Variants in REC114 observed in about 807,000 individuals in gnomAD.
REC114 encodes meiotic recombination protein REC114.
Under a neutral mutation model 31.3 loss-of-function variants are expected in REC114, and 27 were observed. That is an observed-to-expected ratio of 0.86 (90% CI 0.64 to 1.19). The LOEUF is 1.19. REC114 is among the 50% of genes most tolerant of loss of function. The probability of loss-of-function intolerance (pLI) is 0.00; values close to 1 mark genes in which losing one functional copy is unlikely to be tolerated. For synonymous variants in REC114, 134 were observed against 127.7 expected (o/e 1.05, Z -0.33); for missense variants, 344 against 326.9 (o/e 1.05, Z -0.40).
chr15:73,443,350 G>A lies in REC114; in HGVS notation c.159+6G>A, dbSNP rs764595003. The A allele has an allele frequency of 4.5e-5, 71 of 1,564,074 alleles. No individual in the cohort carries two copies. Among genetic ancestry groups the A allele is most frequent in the East Asian group, 1.9e-4 (8 of 42,030 alleles). ...CCCCCTGCCCCACATGGAAGGTGAG[G>A]CCCGAAGGCAGGAATATCCCTGAGG... is the stretch of plus-strand genomic sequence containing the variant. On this transcript the variant is annotated splice_donor_region_variant and intron_variant, in intron 1 of 5. Coordinates refer to ENST00000331090, the MANE Select transcript of REC114 (RefSeq NM_001042367.2).
intron 2 of REC114, among the ~76,000 whole-genome samples, chr15:73,532,395 T>G (rs1483748307): frequency 6.7e-6 from 1 of 149,870 alleles, no homozygotes; most frequent in Admixed American, 6.7e-5. Flanking sequence ...TGTTGGACAT[T>G]TGGGTTGGTT....
At chr15:73,456,677 C>T (rs1278944556) in intron 1 of REC114, among the ~76,000 whole-genome samples, 1 of 152,066 alleles carries the variant, frequency 6.6e-6, no homozygotes, top group East Asian at 1.9e-4. Flanking sequence ...CCCTATGAAG[C>T]AAATATTATT....
intron 3 of REC114, among the ~76,000 whole-genome samples, chr15:73,541,449 C>A (rs1894236162): frequency 1.3e-5 from 2 of 152,084 alleles, no homozygotes; most frequent in Non-Finnish European, 2.9e-5. Flanking sequence ...TTATCAAATA[C>A]ATTAATAAAG....
intron 1 of REC114, among the ~76,000 whole-genome samples, chr15:73,471,739 A>G (rs970305551): frequency 6.6e-6 from 1 of 152,180 alleles, no homozygotes; most frequent in Admixed American, 6.5e-5. Context: ...TAACAGTATT[A>G]TTTGTAGTGA....
chr15:73,450,786 T>C (rs900719652), intron 1 of REC114, among the ~76,000 whole-genome samples: 21 of 152,082 alleles, frequency 1.4e-4, no homozygotes, highest in Non-Finnish European at 2.6e-4. Context: ...ACAAACAATC[T>C]CTCAGTCCAC....
At chr15:73,466,009 G>A (rs977847589) in intron 1 of REC114, among the ~76,000 whole-genome samples, 2 of 151,690 alleles carry the variant, frequency 1.3e-5, no homozygotes, top group East Asian at 2.0e-4. Flanking sequence ...ACACCACCAC[G>A]CCTGGCTAAT....
chr15:73,506,790 T>C (rs944811845), intron 2 of REC114, among the ~76,000 whole-genome samples: 3 of 152,338 alleles, frequency 2.0e-5, no homozygotes, highest in Admixed American at 2.0e-4. Context: ...AATACAAGTC[T>C]GAGAGAAGGT....
chr15:73,520,420 G>A (rs556552925), intron 2 of REC114, among the ~76,000 whole-genome samples: 5 of 152,012 alleles, frequency 3.3e-5, no homozygotes, highest in African/African-American at 7.2e-5. Context: ...TAGCAGAGAC[G>A]GGGTTTCACC....
intron 2 of REC114, among the ~76,000 whole-genome samples, chr15:73,491,836 G>T (rs1893452548): frequency 1.3e-5 from 2 of 152,006 alleles, no homozygotes; most frequent in African/African-American, 4.8e-5. Flanking sequence ...GGAGGCGGAG[G>T]TTGCAGTGAG....
chr15:73,524,297 A>G (rs1340062201), intron 2 of REC114, among the ~76,000 whole-genome samples: 1 of 152,230 alleles, frequency 6.6e-6, no homozygotes, highest in Non-Finnish European at 1.5e-5. Context: ...GTGTTCCCAA[A>G]GAAATTGGCA....
At chr15:73,462,220 G>T (rs903777247) in intron 1 of REC114, among the ~76,000 whole-genome samples, 1 of 151,932 alleles carries the variant, frequency 6.6e-6, no homozygotes, top group Non-Finnish European at 1.5e-5. Context: ...GTGAGCCATC[G>T]TGCCCAGCCA....
At chr15:73,536,496 G>A (rs1412225806) in intron 2 of REC114, among the ~76,000 whole-genome samples, 1 of 152,166 alleles carries the variant, frequency 6.6e-6, no homozygotes, top group African/African-American at 2.4e-5. Context: ...ATGGCAGTAA[G>A]CACAGCATGC....
At chr15:73,489,827 C>T (rs983205776) in intron 2 of REC114, among the ~76,000 whole-genome samples, 1 of 151,982 alleles carries the variant, frequency 6.6e-6, no homozygotes, top group Non-Finnish European at 1.5e-5. Flanking sequence ...TCCTAGCAGT[C>T]CTTCCAAACT....
chr15:73,463,911 C>G (rs924611580), intron 1 of REC114, among the ~76,000 whole-genome samples: 2 of 152,068 alleles, frequency 1.3e-5, no homozygotes, highest in Non-Finnish European at 2.9e-5. Context: ...CCATGGAATT[C>G]AGGAATTTAA....
chr15:73,449,106 C>T (rs564850618), intron 1 of REC114, among the ~76,000 whole-genome samples: 82 of 152,162 alleles, frequency 5.4e-4, no homozygotes, highest in Admixed American at 6.5e-4. Flanking sequence ...AAGATCACAA[C>T]GCCTCGCCAG....
chr15:73,516,443 A>C (rs1483700866), intron 2 of REC114, among the ~76,000 whole-genome samples: 1 of 152,132 alleles, frequency 6.6e-6, no homozygotes, highest in Non-Finnish European at 1.5e-5. Context: ...TTTCACACAG[A>C]GTTAAATGGT....
At chr15:73,501,436 TCAG>T (rs924018204) in intron 2 of REC114, among the ~76,000 whole-genome samples, 3 of 152,102 alleles carry the variant, frequency 2.0e-5, no homozygotes, top group African/African-American at 7.2e-5. Flanking sequence ...TCCAGTTTTA[TCAG>T]CAGCAGCAGC....
At chr15:73,503,384 T>C (rs987844209) in intron 2 of REC114, among the ~76,000 whole-genome samples, 2 of 152,310 alleles carry the variant, frequency 1.3e-5, no homozygotes, top group African/African-American at 4.8e-5. Flanking sequence ...GTATAACTTA[T>C]ACTTCAATAA....
At chr15:73,467,905 T>C (rs1161073847) in intron 1 of REC114, among the ~76,000 whole-genome samples, 14 of 151,472 alleles carry the variant, frequency 9.2e-5, no homozygotes, top group Admixed American at 8.5e-4. Flanking sequence ...TTTTTTTTTT[T>C]CCTGGCCTTC....
Sources: gnomAD v4.1 joint callset for allele counts (sites outside exome capture counted in the v4.1 genomes callset) on GRCh38, gnomAD v4.1.1 for gene constraint, MANE v1.5 for transcripts, NCBI Gene and HGNC (gene_info 2026-07-23, HGNC 2026-07-21) for gene names.